ATRNL1: variants seen among roughly 807,000 people sequenced by gnomAD.
The protein encoded by ATRNL1 is attractin-like protein 1.
ATRNL1 carries 95 observed loss-of-function variants against 182.7 expected under a neutral mutation model. That is an observed-to-expected ratio of 0.52 (90% CI 0.44 to 0.62). ATRNL1 has a LOEUF of 0.62. Ranked by LOEUF, ATRNL1 falls within the 20% of genes least tolerant of loss-of-function variation. ATRNL1 has a pLI of 0.00. For synonymous variants in ATRNL1, 576 were observed against 568.3 expected (o/e 1.01, Z -0.19); for missense variants, 1,471 against 1,679.5 (o/e 0.88, Z 2.17).
intron 28 of ATRNL1, among the ~76,000 whole-genome samples, chr10:115,880,382 G>A (rs1382444574): frequency 6.6e-6 from 1 of 152,210 alleles, no homozygotes; most frequent in African/African-American, 2.4e-5. Context: ...CTAACACTTG[G>A]AGAGGCCAAG....
At chr10:115,444,241 A>G (rs1342803465) in intron 21 of ATRNL1, among the ~76,000 whole-genome samples, 4 of 152,132 alleles carry the variant, frequency 2.6e-5, no homozygotes, top group Non-Finnish European at 5.9e-5. Flanking sequence ...TTGCCTTCTT[A>G]GACATGTTCC....
Position 115,160,076 on chromosome 10 carries a change from C to T in ATRNL1, c.866C>T (p.Ser289Phe). ...DCSLNVPSTE[S>F]YWILPNVKPF... ...TCTTTGAATGTTCCCTCTACTGAGTCTTACTGGATTCTGCCAAACGTTAAA... is the reference window on the plus strand; with the variant it reads ...TCTTTGAATGTTCCCTCTACTGAGTTTTACTGGATTCTGCCAAACGTTAAA... Residue 289 changes from serine to phenylalanine, a missense_variant, in exon 6 of 29, where the codon TCT (serine) becomes TTT (phenylalanine). By Grantham distance (155) the Ser-to-Phe change is radical. Around this residue, in one of 3 missense-constraint regions of ATRNL1, gnomAD observed 1,031 missense variants for 1,156.0 expected, o/e 0.89. Transcript: ENST00000355044. 6.2e-7 allele frequency: 1 copy of T among 1,611,362 alleles called. No homozygotes were observed. The highest frequency in any genetic ancestry group is 1.3e-5 in the African/African-American group (1 of 74,608).
intron 26 of ATRNL1, among the ~76,000 whole-genome samples, chr10:115,663,179 A>G (rs568437835): frequency 1.3e-5 from 2 of 152,186 alleles, no homozygotes; most frequent in African/African-American, 4.8e-5. Context: ...ATGAATTATT[A>G]TTATTTCCAC....
At chr10:115,727,143 T>C in intron 26 of ATRNL1, 105 bp from the exon 27 acceptor site, 1 of 754,340 alleles carries the variant, frequency 1.3e-6, no homozygotes, top group Non-Finnish European at 2.3e-6. Flanking sequence ...TATAAAATGA[T>C]TCCTAACTTT....
intron 17 of ATRNL1, among the ~76,000 whole-genome samples, chr10:115,313,998 C>A (rs900095070): frequency 2.6e-5 from 4 of 152,044 alleles, no homozygotes; most frequent in Admixed American, 2.0e-4. Context: ...TTTAAACCAA[C>A]AAAACTAAGG....
At chr10:115,099,305 C>T (rs996900241) in intron 1 of ATRNL1, among the ~76,000 whole-genome samples, 1 of 152,152 alleles carries the variant, frequency 6.6e-6, no homozygotes, top group Non-Finnish European at 1.5e-5. Flanking sequence ...CTGGATACAC[C>T]ATAATTTGTT....
chr10:115,593,263 C>T (rs1362137875), intron 26 of ATRNL1, among the ~76,000 whole-genome samples: 3 of 152,130 alleles, frequency 2.0e-5, no homozygotes, highest in Non-Finnish European at 4.4e-5. Flanking sequence ...GACGTAATCA[C>T]CACAAAAGAT....
intron 26 of ATRNL1, among the ~76,000 whole-genome samples, chr10:115,581,791 T>A (rs1414430793): frequency 6.6e-6 from 1 of 151,542 alleles, no homozygotes; most frequent in Non-Finnish European, 1.5e-5. Context: ...ATGTGCACAA[T>A]GTGCAGGTTA....
At chr10:115,910,322 A>C (rs183645805) in intron 28 of ATRNL1, among the ~76,000 whole-genome samples, 1 of 152,260 alleles carries the variant, frequency 6.6e-6, no homozygotes, top group Non-Finnish European at 1.5e-5. Flanking sequence ...TGTCAAGGGC[A>C]CTCAATTTGA....
chr10:115,212,675 G>A (rs1312347410), intron 8 of ATRNL1, among the ~76,000 whole-genome samples: 1 of 152,066 alleles, frequency 6.6e-6, no homozygotes, highest in African/African-American at 2.4e-5. Flanking sequence ...CCACGAAAAA[G>A]AAAGAGATAA....
At chr10:115,519,580 A>G (rs983984576) in intron 25 of ATRNL1, among the ~76,000 whole-genome samples, 3 of 152,152 alleles carry the variant, frequency 2.0e-5, no homozygotes, top group Non-Finnish European at 4.4e-5. Flanking sequence ...TGTGTCCCCC[A>G]TCACATAAAT....
intron 2 of ATRNL1, among the ~76,000 whole-genome samples, chr10:115,120,515 A>AT (rs1466489173): frequency 1.1e-4 from 16 of 152,072 alleles, no homozygotes; most frequent in Admixed American, 3.3e-4. Flanking sequence ...TTGAGTAGGC[A>AT]TTTTTTTGGT....
intron 25 of ATRNL1, among the ~76,000 whole-genome samples, chr10:115,521,849 T>C (rs1850952343): frequency 6.6e-6 from 1 of 152,224 alleles, no homozygotes. Flanking sequence ...TTTTGAAGCT[T>C]ATCAATTATT....
intron 26 of ATRNL1, among the ~76,000 whole-genome samples, chr10:115,649,453 G>A (rs17093399): frequency 0.02 from 3,009 of 152,180 alleles, 63 homozygotes; most frequent in East Asian, 0.12. Flanking sequence ...AGAAAAATAT[G>A]TGATGGCACC....
intron 27 of ATRNL1, among the ~76,000 whole-genome samples, chr10:115,794,056 A>G (rs116052237): frequency 0.016 from 2,432 of 152,292 alleles, 78 homozygotes; most frequent in African/African-American, 0.056. Context: ...AGTGTTGAAC[A>G]AGTAGACAAG....
rs1554924707 is a variant in ATRNL1 at position 115,301,985 on chromosome 10, C to T, written c.2760C>T (p.Ala920=). The change falls in exon 17 of 29, where the codon GCC becomes GCT. Residue 920 remains alanine (A), a synonymous_variant. Coordinates refer to ENST00000355044, the MANE Select transcript of ATRNL1 (RefSeq NM_207303.4). ...SSTKRCVDSN[A]YIISFPYGQC... ...CGAAACGATGTGTTGACTCTAATGC[C>T]TATATCATCTCTTTTCCATATGGAC... 1 of 1,613,904 alleles carries T rather than the reference C, an allele frequency of 6.2e-7. No homozygotes were observed. The highest frequency in any genetic ancestry group is 1.3e-5 in the African/African-American group (1 of 74,916).
Position 115,736,803 on chromosome 10 carries a change from T to A in ATRNL1, c.3903+9448T>A, listed in dbSNP as rs11591853. ...ATTTTTTTGAGACGGCGTCTTGCTC[T>A]GTCGCCCAGGCTGGAGTGCAGTGGC... is the stretch of plus-strand genomic sequence containing the variant. On this transcript the variant is annotated intron_variant, in intron 27 of 28. Coordinates refer to ENST00000355044, the MANE Select transcript of ATRNL1 (RefSeq NM_207303.4). Among the ~76,000 whole-genome samples the A allele has an allele frequency of 4.9e-3, 744 of 151,996 alleles. 10 individuals are homozygous for A. Among genetic ancestry groups the A allele is most frequent in the African/African-American group, 0.017 (705 of 41,402 alleles).
chr10:115,556,724 T>C (rs1414331592), intron 26 of ATRNL1, among the ~76,000 whole-genome samples: 1 of 151,960 alleles, frequency 6.6e-6, no homozygotes, highest in East Asian at 1.9e-4. Context: ...GTTATTGATA[T>C]GTAATATAAA....
At chr10:115,527,171 G>C (rs1851263471) in intron 25 of ATRNL1, among the ~76,000 whole-genome samples, 1 of 148,562 alleles carries the variant, frequency 6.7e-6, no homozygotes, top group African/African-American at 2.5e-5. Flanking sequence ...CCAGGCTGGA[G>C]TGTAGTGGCA....
Sources: allele counts gnomAD v4.1 joint callset (sites outside exome capture counted in the v4.1 genomes callset), GRCh38; gene constraint gnomAD v4.1.1; regional missense constraint gnomAD v4.1.1; transcripts MANE v1.5; gene names NCBI Gene and HGNC (gene_info 2026-07-23, HGNC 2026-07-21).